The following STPG2 variants were observed in gnomAD, a reference collection of about 807,000 sequenced individuals.
STPG2 encodes sperm tail PG-rich repeat containing 2, also known as sperm-tail PG-rich repeat-containing protein 2.
In STPG2, 56 loss-of-function variants were observed where a neutral mutation model predicts 54.2. That is an observed-to-expected ratio of 1.03 (90% CI 0.83 to 1.29). The LOEUF (loss-of-function observed/expected upper bound fraction) is 1.29. STPG2 is among the 50% of genes most tolerant of loss of function. STPG2 has a pLI of 0.00. For missense variants in STPG2, 596 were observed against 544.9 expected (o/e 1.09, Z -0.93); for synonymous variants, 200 against 181.8 (o/e 1.10, Z -0.81).
Position 97,841,021 on chromosome 4 carries a change from G to A in STPG2, c.1045-89C>T, listed in dbSNP as rs963080064. The A allele has an allele frequency of 3.9e-6, 5 of 1,278,162 alleles. 1 individual carries two copies. Among genetic ancestry groups the A allele is most frequent in the South Asian group, 1.5e-5 (1 of 66,158 alleles). 79.2% of individuals were successfully genotyped at this position (1,278,162 alleles called of 1,614,324 possible). A position where few individuals can be genotyped will look rare whatever the true frequency, so the allele number is the denominator to read the frequency against. ...CAGATGGATGGTTACAGTAAGCAAT[G>A]AATAGAAAAATCCTAATACTTTTAT... On this transcript the variant is annotated intron_variant, in intron 8 of 10. Transcript: ENST00000295268.
chr4:97,876,662 G>T (rs946158322), intron 8 of STPG2, among the ~76,000 whole-genome samples: 2 of 151,914 alleles, frequency 1.3e-5, no homozygotes, highest in African/African-American at 4.8e-5. Context: ...CTCTATGTAA[G>T]TTTTAAAACA....
intron 9 of STPG2, among the ~76,000 whole-genome samples, chr4:97,785,214 A>G (rs1366364646): frequency 2.0e-5 from 3 of 152,044 alleles, no homozygotes; most frequent in African/African-American, 7.2e-5. Context: ...AATGAAAACC[A>G]AATTTGGCAT....
chr4:97,454,004 C>T lies in STPG2; in HGVS notation c.462+258695G>A, dbSNP rs77210470. 4.8e-3 allele frequency among the ~76,000 whole-genome samples: 729 copies of T among 152,060 alleles called. 3 individuals carry two copies. Among genetic ancestry groups the T allele is most frequent in the African/African-American group, 0.017 (689 of 41,482 alleles). On this transcript the variant is annotated intron_variant, in intron 4 of 4. Transcript: ENST00000522676. Reference sequence around the variant, plus strand: ...GCAGCCATTCTCCCTATACTCTTCCCCAAAGGCTCCTAGATCTGAAGGAGA... The same window carrying T: ...GCAGCCATTCTCCCTATACTCTTCCTCAAAGGCTCCTAGATCTGAAGGAGA...
At chr4:97,983,715 G>A (rs961692568) in intron 5 of STPG2, among the ~76,000 whole-genome samples, 1 of 152,146 alleles carries the variant, frequency 6.6e-6, no homozygotes. Flanking sequence ...TAGAGACCAA[G>A]ATCTGGGCAC....
intron 10 of STPG2, among the ~76,000 whole-genome samples, chr4:97,632,133 A>C (rs1283073992): frequency 1.3e-5 from 2 of 152,050 alleles, no homozygotes; most frequent in African/African-American, 4.8e-5. Flanking sequence ...ACCTTCAAAA[A>C]AGGTTAAAGT....
chr4:98,039,308 A>G (rs1211991070), intron 5 of STPG2, among the ~76,000 whole-genome samples: 1 of 140,518 alleles, frequency 7.1e-6, no homozygotes, highest in African/African-American at 2.7e-5. Flanking sequence ...ACTTGTATGA[A>G]TGTGAATAAA....
At chr4:97,496,295 T>C (rs1325537965) in intron 4 of STPG2, among the ~76,000 whole-genome samples, 1 of 151,740 alleles carries the variant, frequency 6.6e-6, no homozygotes, top group African/African-American at 2.4e-5. Context: ...TAGGTCAATA[T>C]GGAATTCTAA....
intron 9 of STPG2, among the ~76,000 whole-genome samples, chr4:97,750,362 C>T (rs932621666): frequency 6.6e-6 from 1 of 151,804 alleles, no homozygotes; most frequent in African/African-American, 2.4e-5. Context: ...TTCTAGAAAA[C>T]TCATCTCTTC....
chr4:97,513,730 CAAAGAAAA>C (rs1731019582), intron 4 of STPG2, among the ~76,000 whole-genome samples: 1 of 151,946 alleles, frequency 6.6e-6, no homozygotes, highest in Non-Finnish European at 1.5e-5. Context: ...ATCTTCACTT[CAAAGAAAA>C]GGAAACTGAG....
At chr4:97,517,267 T>C (rs1334146148) in intron 4 of STPG2, among the ~76,000 whole-genome samples, 1 of 152,086 alleles carries the variant, frequency 6.6e-6, no homozygotes, top group Non-Finnish European at 1.5e-5. Flanking sequence ...TCCCAGCTAC[T>C]AGAGAGTCTG....
intron 9 of STPG2, among the ~76,000 whole-genome samples, chr4:97,790,028 CA>C (rs917005140): frequency 9.2e-5 from 14 of 151,638 alleles, no homozygotes; most frequent in South Asian, 4.2e-4. Context: ...GTTTAAACAA[CA>C]AAAAAAAATT....
chr4:97,725,909 T>G (rs905308012), intron 9 of STPG2, among the ~76,000 whole-genome samples: 6 of 151,844 alleles, frequency 4.0e-5, no homozygotes, highest in Non-Finnish European at 5.9e-5. Flanking sequence ...AAGGAAGGTC[T>G]TAAGTCCCCC....
chr4:98,026,004 T>C, intron 5 of STPG2: 1 of 1,060,984 alleles, frequency 9.4e-7, no homozygotes, highest in Non-Finnish European at 1.4e-6. Flanking sequence ...TTGCAGAATG[T>C]TGCAGATTAC....
At chr4:97,470,336 C>G (rs1251119529) in intron 4 of STPG2, among the ~76,000 whole-genome samples, 1 of 152,084 alleles carries the variant, frequency 6.6e-6, no homozygotes, top group African/African-American at 2.4e-5. Flanking sequence ...AAGATTTTCA[C>G]TAAACATTTT....
chr4:97,447,577 C>T (rs1156923994), intron 4 of STPG2, among the ~76,000 whole-genome samples: 2 of 152,138 alleles, frequency 1.3e-5, no homozygotes, highest in South Asian at 2.1e-4. Context: ...TTGGCTAAAA[C>T]GGGCAAGGTA....
intron 10 of STPG2, among the ~76,000 whole-genome samples, chr4:97,688,336 T>A (rs2148985881): frequency 6.6e-6 from 1 of 152,202 alleles, no homozygotes; most frequent in Non-Finnish European, 1.5e-5. Context: ...AATTCAGAGT[T>A]TTTTGAAAAT....
intron 10 of STPG2, among the ~76,000 whole-genome samples, chr4:97,583,653 C>T (rs1315513518): frequency 2.0e-5 from 3 of 151,802 alleles, no homozygotes; most frequent in African/African-American, 7.3e-5. Flanking sequence ...CATACAAACT[C>T]ACATAAACTT....
chr4:97,833,479 T>A (rs1409978654), intron 9 of STPG2, among the ~76,000 whole-genome samples: 1 of 152,062 alleles, frequency 6.6e-6, no homozygotes, highest in Non-Finnish European at 1.5e-5. Flanking sequence ...CCAAAAGCAA[T>A]GGCAACAAAA....
intron 7 of STPG2, among the ~76,000 whole-genome samples, chr4:97,962,302 C>A (rs1299707740): frequency 6.6e-6 from 1 of 151,958 alleles, no homozygotes; most frequent in Non-Finnish European, 1.5e-5. Flanking sequence ...CAAATCACCA[C>A]TAAAGAATTT....
Sources: allele counts gnomAD v4.1 joint callset (sites outside exome capture counted in the v4.1 genomes callset), GRCh38; gene constraint gnomAD v4.1.1; transcripts MANE v1.5; gene names NCBI Gene and HGNC (gene_info 2026-07-23, HGNC 2026-07-21).